The following RERE variants were observed in gnomAD, a reference collection of about 807,000 sequenced individuals.
RERE encodes arginine-glutamic acid dipeptide repeats, also known as arginine-glutamic acid dipeptide repeats protein.
In RERE, 40 loss-of-function variants were observed where a neutral mutation model predicts 146.1. That is an observed-to-expected ratio of 0.27 (90% confidence interval 0.21 to 0.36). The LOEUF (loss-of-function observed/expected upper bound fraction) is 0.36. Among genes scored for constraint, RERE ranks in the 10% least tolerant of loss-of-function variants. The pLI is 1.00. For synonymous variants in RERE, 1,003 were observed against 866.0 expected, an observed-to-expected ratio of 1.16 and a Z score of -2.78; for missense variants, 1,933 against 2,138.7, an observed-to-expected ratio of 0.90 and a Z score of 1.90.
chr1:8,697,717 A>G (rs1170671180), intron 1 of RERE, among the ~76,000 whole-genome samples: 1 of 152,212 alleles, frequency 6.6e-6, no homozygotes, highest in Non-Finnish European at 1.5e-5. Context: ...AAGTTCCTGG[A>G]TAATGTTCTA....
At chr1:8,703,195 A>G (rs1178318211) in intron 1 of RERE, 1 of 151,504 alleles carries the variant, frequency 6.6e-6, no homozygotes, top group Non-Finnish European at 1.5e-5. Context: ...GCACTTGCTA[A>G]AACAAAAGGA....
At chr1:8,513,417 A>G (rs1352102988) in intron 7 of RERE, among the ~76,000 whole-genome samples, 1 of 152,212 alleles carries the variant, frequency 6.6e-6, no homozygotes, top group Non-Finnish European at 1.5e-5. Flanking sequence ...CTGCTGCAAT[A>G]TATTGTTGTG....
At chr1:8,533,262 A>T (rs1645681295) in intron 7 of RERE, among the ~76,000 whole-genome samples, 1 of 152,188 alleles carries the variant, frequency 6.6e-6, no homozygotes, top group African/African-American at 2.4e-5. Context: ...CTAGTCTAGG[A>T]GTGCTTCCTT....
intron 8 of RERE, among the ~76,000 whole-genome samples, chr1:8,499,170 T>C (rs546594017): frequency 3.9e-5 from 6 of 152,342 alleles, no homozygotes; most frequent in African/African-American, 1.2e-4. Flanking sequence ...TGTCAAATGA[T>C]GACCATGGGC....
chr1:8,364,230 G>A lies in RERE; in HGVS notation c.1566C>T (p.Gly522=), dbSNP rs1234831408. The A allele has an allele frequency of 5.6e-6, 9 of 1,614,164 alleles. No individual in the cohort carries two copies. Among genetic ancestry groups the A allele is most frequent in the Non-Finnish European group, 7.6e-6 (9 of 1,180,018 alleles). Residue 522 remains glycine (G), a synonymous_variant, in exon 15 of 23, where the codon GGC becomes GGT. Transcript: ENST00000400908. This position sits in a 1 kb window ranked among gnomAD's most constrained non-coding sequence, Gnocchi z 5.1. The part of the protein sequence containing the change: ...TTTSKDWHHG[G]RENILLCTDC... ...CGGTGCAAAGCAGGATGTTCTCCCGGCCTCCGTGGTGCCAATCTTTGGAGG... is the reference window on the plus strand; with the variant it reads ...CGGTGCAAAGCAGGATGTTCTCCCGACCTCCGTGGTGCCAATCTTTGGAGG...
chr1:8,794,547 C>CA (rs879271652), intron 1 of RERE, among the ~76,000 whole-genome samples: 35 of 151,834 alleles, frequency 2.3e-4, no homozygotes, highest in South Asian at 6.2e-4. Context: ...TATTTTTCCA[C>CA]AAAAAATGTA....
At chr1:8,593,705 T>C (rs1190850919) in intron 4 of RERE, among the ~76,000 whole-genome samples, 2 of 152,236 alleles carry the variant, frequency 1.3e-5, no homozygotes, top group African/African-American at 2.4e-5. Flanking sequence ...ATTTTTACAA[T>C]GTTAAACGGC....
chr1:8,434,411 A>G (rs1416352071), intron 11 of RERE, among the ~76,000 whole-genome samples: 3 of 152,250 alleles, frequency 2.0e-5, no homozygotes, highest in Non-Finnish European at 4.4e-5. Flanking sequence ...GATGAGGACC[A>G]TAAATCATTT....
In RERE at chr1:8,773,273, CTAAA is replaced by C. The variant is rs377291220; in HGVS notation, c.-145+43883_-145+43886del. Among the ~76,000 whole-genome samples the C allele has an allele frequency of 9.7e-4, 147 of 152,246 alleles. 7 individuals carry two copies. In the South Asian group the frequency reaches 0.03, roughly 31 times the overall value. On this transcript the variant is annotated intron_variant, in intron 1 of 22. Transcript: ENST00000400908. ...AAGATCTAAAAGTCAAAACATCTGTCTAAATAGAGATGTTCAAGAAATATTTCAT... is the reference window on the plus strand; with the variant it reads ...AAGATCTAAAAGTCAAAACATCTGTCTAGAGATGTTCAAGAAATATTTCAT...
intron 1 of RERE, among the ~76,000 whole-genome samples, chr1:8,662,388 T>C (rs867577369): frequency 2.6e-5 from 4 of 152,228 alleles, no homozygotes; most frequent in African/African-American, 7.2e-5. Flanking sequence ...AGAGAACCAC[T>C]TCCTGGCTGG....
chr1:8,767,563 C>T (rs1206858405), intron 1 of RERE, among the ~76,000 whole-genome samples: 1 of 148,378 alleles, frequency 6.7e-6, no homozygotes, highest in Non-Finnish European at 1.5e-5. Context: ...CAAGATTGCA[C>T]CACTGCACTC....
In RERE at chr1:8,361,053, C is replaced by A. The variant is rs756033803; in HGVS notation, c.2454G>T (p.Pro818=). The A allele has an allele frequency of 3.5e-6, 5 of 1,427,884 alleles. No individual in the cohort carries two copies. Among genetic ancestry groups the A allele is most frequent in the Middle Eastern group, 1.9e-4 (1 of 5,174 alleles). The allele number at this position is 1,427,884 out of a possible 1,614,324, so 88.5% of individuals were successfully genotyped here. Residue 818 remains proline (P), a synonymous_variant, in exon 18 of 23, where the codon CCG becomes CCT. Transcript: ENST00000400908. ...PQRPPSPHPP[P]HPSPHPPLQP... ...GCAGCGGGGGATGTGGCGAGGGATGCGGCGGGGGATGCGGTGAGGGCGGCC... is the reference window on the plus strand; with the variant it reads ...GCAGCGGGGGATGTGGCGAGGGATGAGGCGGGGGATGCGGTGAGGGCGGCC...
In RERE at chr1:8,423,430, A is replaced by G. The variant is rs1218667008; in HGVS notation, c.1204-623T>C. 1 of 595,204 alleles carries G rather than the reference A, an allele frequency of 1.7e-6. No individual in the cohort carries two copies. The highest frequency in any genetic ancestry group is 2.1e-5 in the African/African-American group (1 of 48,636). 36.9% of individuals were successfully genotyped at this position (595,204 alleles called of 1,614,324 possible). A position where few individuals can be genotyped will look rare whatever the true frequency, so the allele number is the denominator to read the frequency against. On this transcript the variant is annotated intron_variant, in intron 11 of 22. Coordinates refer to ENST00000400908, the MANE Select transcript of RERE (RefSeq NM_001042681.2). The surrounding 1 kb of genome is among the most constrained non-coding windows in gnomAD (Gnocchi z 5.4). ...GCACCCCTTCCGCCCTCCCGACGCC[A>G]CTCGCCGCCCCCATCCATTTTCGCA...
chr1:8,734,100 C>G (rs1463381872), intron 1 of RERE, among the ~76,000 whole-genome samples: 2 of 152,154 alleles, frequency 1.3e-5, no homozygotes, highest in South Asian at 2.1e-4. Context: ...AGGTGAGACT[C>G]CGTCTCAAAA....
intron 6 of RERE, among the ~76,000 whole-genome samples, chr1:8,543,496 G>A (rs955358337): frequency 1.3e-5 from 2 of 152,044 alleles, no homozygotes; most frequent in South Asian, 2.1e-4. Context: ...ATTATTGTTC[G>A]TTATTTCACT....
At chr1:8,622,008 GA>G (rs1455002915) in intron 3 of RERE, among the ~76,000 whole-genome samples, 13 of 152,166 alleles carry the variant, frequency 8.5e-5, no homozygotes, top group African/African-American at 3.1e-4. Flanking sequence ...AAAAACATGA[GA>G]AACAGCAGTG....
chr1:8,810,025 AGAC>A (rs1202939788), intron 1 of RERE, among the ~76,000 whole-genome samples: 4 of 151,084 alleles, frequency 2.6e-5, no homozygotes, highest in African/African-American at 9.7e-5. Context: ...TTGTTGTTTG[AGAC>A]AGAGTCTTGC....
At chr1:8,427,650 A>AAG (rs1644033528) in intron 11 of RERE, among the ~76,000 whole-genome samples, 1 of 151,474 alleles carries the variant, frequency 6.6e-6, no homozygotes, top group South Asian at 2.1e-4. Context: ...AAAAAAAAAA[A>AAG]AAAAAAAAAG....
At chr1:8,778,271 C>T (rs918756797) in intron 1 of RERE, among the ~76,000 whole-genome samples, 3 of 152,140 alleles carry the variant, frequency 2.0e-5, no homozygotes, top group African/African-American at 4.8e-5. Context: ...TTTCTTGATG[C>T]GCAGTTAAAT....
Sources: gnomAD v4.1 joint callset for allele counts (sites outside exome capture counted in the v4.1 genomes callset) on GRCh38, gnomAD v4.1.1 for gene constraint, Gnocchi (gnomAD v3.1) non-coding constraint, MANE v1.5 for transcripts, NCBI Gene and HGNC (gene_info 2026-07-23, HGNC 2026-07-21) for gene names.